Variants in XPO1 observed in about 807,000 individuals in gnomAD.
XPO1 encodes the protein exportin 1, also known as exportin-1.
In XPO1, 5 loss-of-function variants were observed where a neutral mutation model predicts 133.3. The observed-to-expected ratio is 0.04, with a 90% CI of 0.02 to 0.08. XPO1 has a LOEUF of 0.08. Among genes scored for constraint, XPO1 ranks in the 10% least tolerant of loss-of-function variants. The pLI, the probability that XPO1 is intolerant of heterozygous loss-of-function variation, is 1.00. For missense variants in XPO1, 506 were observed against 1,267.5 expected, an observed-to-expected ratio of 0.40 and a Z score of 9.12; for synonymous variants, 419 against 408.2, an observed-to-expected ratio of 1.03 and a Z score of -0.32.
chr2:61,478,055 T>G lies in XPO1; in HGVS notation c.*765A>C, dbSNP rs902372802. The G allele has an allele frequency of 8.2e-5, 19 of 232,024 alleles. No individual in the cohort carries two copies. In the Admixed American group the frequency reaches 9.0e-4, roughly 11 times the overall value. The allele number at this position is 232,024 out of a possible 1,614,324, so 14.4% of individuals were successfully genotyped here. ...CAGAGTTGTTTTGTTTTTTAATGAG[T>G]TGTTAAAAAGATGCAGCCTATTCTA... On this transcript the variant is annotated 3_prime_UTR_variant, in exon 25 of 25. Coordinates refer to ENST00000401558, the MANE Select transcript of XPO1 (RefSeq NM_003400.4).
At chr2:61,533,226 A>G (rs577690549) in intron 2 of XPO1, among the ~76,000 whole-genome samples, 1 of 152,328 alleles carries the variant, frequency 6.6e-6, no homozygotes, top group East Asian at 1.9e-4. Context: ...TTTTCTTGTG[A>G]CATATACAAT....
chr2:61,525,378 G>A, intron 3 of XPO1: 1 of 990,738 alleles, frequency 1.0e-6, no homozygotes, highest in Non-Finnish European at 1.2e-6. Context: ...ATTAATATCA[G>A]GTAGTGTTAA....
At chr2:61,499,499 C>T (rs781494201) in intron 7 of XPO1, among the ~76,000 whole-genome samples, 7 of 152,190 alleles carry the variant, frequency 4.6e-5, no homozygotes, top group Non-Finnish European at 1.0e-4. Context: ...AAAACAATTC[C>T]TGAAGTGTGT....
At chr2:61,496,841 A>C in intron 10 of XPO1, 38 bp downstream of exon 10, 2 of 1,480,766 alleles carry the variant, frequency 1.4e-6, no homozygotes, top group Non-Finnish European at 1.8e-6. Context: ...TAAGGCACTA[A>C]AATTATTCAG....
intron 9 of XPO1, 26 bp from the exon 10 acceptor site, chr2:61,497,033 T>A (rs748330430): frequency 6.3e-7 from 1 of 1,590,956 alleles, no homozygotes; most frequent in East Asian, 2.3e-5. Context: ...GAGGGAACCA[T>A]AAAATTAATT....
At chr2:61,521,424 A>G (rs1176957471) in intron 4 of XPO1, among the ~76,000 whole-genome samples, 1 of 152,218 alleles carries the variant, frequency 6.6e-6, no homozygotes, top group Non-Finnish European at 1.5e-5. Flanking sequence ...TAAAGTCAAG[A>G]AAAAAATTTC....
In XPO1 at chr2:61,492,985, T is replaced by G. The variant is rs1697066462; in HGVS notation, c.1314A>C (p.Gly438=). The change falls in exon 13 of 25, where the codon GGA becomes GGC. Residue 438 remains glycine, a synonymous_variant. Coordinates refer to ENST00000401558, the MANE Select transcript of XPO1 (RefSeq NM_003400.4). This position sits in a 1 kb window ranked among gnomAD's most constrained non-coding sequence, Gnocchi z 5.6. ...CCTTCATGAATTCTCTCACAACTTC[T>G]CCTTGATCATTCTCTACAACCAATA... The part of the protein sequence containing the change: ...EEVLVVENDQ[G]EVVREFMKDT... The G allele has an allele frequency of 6.2e-7, 1 of 1,612,010 alleles. No individual in the cohort carries two copies. The highest frequency in any genetic ancestry group is 8.5e-7 in the Non-Finnish European group (1 of 1,179,678).
intron 2 of XPO1, among the ~76,000 whole-genome samples, chr2:61,529,013 G>C (rs572738177): frequency 1.3e-5 from 2 of 151,992 alleles, no homozygotes; most frequent in Admixed American, 1.3e-4. Flanking sequence ...TTCAAGACCA[G>C]CCTGGGCAAC....
intron 20 of XPO1, chr2:61,485,482 C>CCCT (rs1553402632): frequency 6.2e-6 from 1 of 162,146 alleles, no homozygotes; most frequent in Non-Finnish European, 1.3e-5. Context: ...GACCCCCCCC[C>CCCT]CCACTTCAGC....
At chr2:61,499,576 T>G (rs973249599) in intron 7 of XPO1, 137 bp downstream of exon 7, 1 of 794,250 alleles carries the variant, frequency 1.3e-6, no homozygotes, top group Non-Finnish European at 1.9e-6. Flanking sequence ...TATTTCTTAA[T>G]CTGCAGTTGA....
intron 2 of XPO1, among the ~76,000 whole-genome samples, chr2:61,529,735 T>A (rs10195498): frequency 2.9e-4 from 44 of 152,244 alleles, no homozygotes; most frequent in African/African-American, 1.0e-3. Flanking sequence ...ATCATGACCT[T>A]TTCCTCAGGT....
At chr2:61,510,742 G>C (rs1042791680) in intron 4 of XPO1, among the ~76,000 whole-genome samples, 3 of 152,012 alleles carry the variant, frequency 2.0e-5, no homozygotes, top group African/African-American at 4.8e-5. Flanking sequence ...TTCAGGACCA[G>C]CCTAGGCAAC....
intron 4 of XPO1, among the ~76,000 whole-genome samples, chr2:61,515,853 G>A (rs146255612): frequency 0.016 from 2,410 of 151,024 alleles, 53 homozygotes; most frequent in African/African-American, 0.054. Context: ...GGAGGCCGAG[G>A]AGGGTGGATC....
In XPO1 at chr2:61,487,127, G is replaced by A. The variant is rs546060072; in HGVS notation, c.2313+1038C>T. Among the ~76,000 whole-genome samples the A allele has an allele frequency of 5.9e-5, 9 of 151,722 alleles. No homozygotes were observed. In the South Asian group the frequency reaches 1.9e-3, roughly 32 times the overall value. On this transcript the variant is annotated intron_variant, in intron 19 of 24. Transcript: ENST00000401558. ...CCTCCTGACTTCAAGTGATCCACCC[G>A]CCTCGGCCTCCCAAAGTGCTGGGAT...
chr2:61,537,854 G>C lies in XPO1; in HGVS notation c.-299C>G, dbSNP rs1699423983. On this transcript the variant is annotated 5_prime_UTR_variant, in exon 1 of 25. Transcript: ENST00000401558. ...CCGCCCGGCTGGGGAGTGAGGGAAG[G>C]GGGAGGGAACGGGGTCAAGTCCCAA... The C allele has an allele frequency of 6.4e-6, 1 of 157,206 alleles. No homozygotes were observed. Among genetic ancestry groups the C allele is most frequent in the African/African-American group, 2.4e-5 (1 of 41,266 alleles). 9.7% of individuals were successfully genotyped at this position (157,206 alleles called of 1,614,324 possible).
intron 4 of XPO1, among the ~76,000 whole-genome samples, chr2:61,513,539 C>A (rs191966268): frequency 1.5e-4 from 22 of 151,652 alleles, no homozygotes; most frequent in Admixed American, 1.3e-3. Context: ...TGACCAGGCT[C>A]GTCTCGAACT....
intron 17 of XPO1, 25 bp from the exon 18 acceptor site, chr2:61,488,796 A>G: frequency 6.2e-7 from 1 of 1,609,784 alleles, no homozygotes; most frequent in Non-Finnish European, 8.5e-7. Context: ...AGCAAATTCC[A>G]TTTATCATAT....
chr2:61,505,894 CT>C (rs1227819947), intron 4 of XPO1, among the ~76,000 whole-genome samples: 4 of 152,278 alleles, frequency 2.6e-5, no homozygotes, highest in African/African-American at 9.6e-5. Flanking sequence ...CTTCAAACTA[CT>C]TTCCATATGT....
At chr2:61,519,244 G>A (rs1271869763) in intron 4 of XPO1, among the ~76,000 whole-genome samples, 1 of 152,076 alleles carries the variant, frequency 6.6e-6, no homozygotes, top group Non-Finnish European at 1.5e-5. Context: ...CCACCGTGCT[G>A]AGCCTATCTT....
Sources: gnomAD v4.1 joint callset for allele counts (sites outside exome capture counted in the v4.1 genomes callset) on GRCh38, gnomAD v4.1.1 for gene constraint, Gnocchi (gnomAD v3.1) non-coding constraint, MANE v1.5 for transcripts, NCBI Gene and HGNC (gene_info 2026-07-23, HGNC 2026-07-21) for gene names.